PCDHA3: variants seen among roughly 807,000 people sequenced by gnomAD.
PCDHA3 encodes the protein protocadherin alpha 3, also known as protocadherin alpha-3.
A neutral mutation model predicts 62.2 loss-of-function variants in PCDHA3; 41 were observed. The observed-to-expected ratio is 0.66, with a 90% CI of 0.51 to 0.86. The LOEUF (loss-of-function observed/expected upper bound fraction) is 0.86, where lower values mean the gene tolerates loss of function less well. Ranked by LOEUF, PCDHA3 falls within the 40% of genes least tolerant of loss-of-function variation. The pLI is 0.00. For missense variants in PCDHA3, 1,304 were observed against 1,241.2 expected, an observed-to-expected ratio of 1.05 and a Z score of -0.76; for synonymous variants, 640 against 555.4, an observed-to-expected ratio of 1.15 and a Z score of -2.14.
rs1563353899 is a variant in PCDHA3, at chr5:140,966,713, G to A, written c.2395-12236G>A. The A allele has an allele frequency of 4.3e-6, 6 of 1,392,826 alleles. No individual in the cohort carries two copies. The African/African-American group carries it at 9.1e-5, about 21-fold the overall frequency. 86.3% of individuals were successfully genotyped at this position (1,392,826 alleles called of 1,614,324 possible). ...CGGGGCCCGGGCGTGGGGCACGGCTGGGGAAGCTGCCGCCTCCGGCCCTGC... is the reference window on the plus strand; with the variant it reads ...CGGGGCCCGGGCGTGGGGCACGGCTAGGGAAGCTGCCGCCTCCGGCCCTGC... On this transcript the variant is annotated intron_variant, in intron 1 of 3. Transcript: ENST00000522353.
chr5:140,976,819 T>C (rs1380206599), intron 1 of PCDHA3, among the ~76,000 whole-genome samples: 3 of 152,222 alleles, frequency 2.0e-5, no homozygotes, highest in Admixed American at 2.0e-4. Flanking sequence ...TATGCATGTG[T>C]CTAATGAGCA....
intron 1 of PCDHA3, chr5:140,850,311 T>C (rs2150479083): frequency 1.3e-6 from 2 of 1,597,000 alleles, no homozygotes; most frequent in African/African-American, 1.3e-5. Context: ...CTACAACGCG[T>C]GGCTTTCATA....
Position 140,802,036 on chromosome 5 carries a change from C to T in PCDHA3, c.839C>T (p.Ser280Phe). 1.9e-6 allele frequency: 3 copies of T among 1,614,182 alleles called. No individual in the cohort carries two copies. Among genetic ancestry groups the T allele is most frequent in the Non-Finnish European group, 2.5e-6 (3 of 1,180,042 alleles). The change falls in exon 1 of 4, where the codon TCT becomes TTT. Residue 280 changes from serine to phenylalanine, a missense_variant. Transcript: ENST00000522353. The part of the protein sequence containing the change: ...DEGVNKDIAY[S>F]FNTDMSADIL... ...GGAGTAAATAAGGATATCGCGTATT[C>T]TTTCAATACGGACATGTCAGCAGAT...
intron 1 of PCDHA3, chr5:140,841,595 C>T (rs2150318765): frequency 2.5e-6 from 4 of 1,614,060 alleles, no homozygotes; most frequent in East Asian, 2.2e-5. Flanking sequence ...TCGGATCGAC[C>T]GCGAGGAGCT....
rs1762997565 is a variant in PCDHA3, at chr5:140,802,686, C to T, written c.1489C>T (p.Arg497Trp). Residue 497 changes from arginine to tryptophan, a missense_variant, in exon 1 of 4, where the codon CGG (arginine) becomes TGG (tryptophan). Physicochemically the swap from Arg to Trp is moderately radical, Grantham distance 101. Transcript: ENST00000522353. ...CCTGGTGTCCTACTCGCTGGTGGAACGGCGGGTGGGGGAGCGCGCGCTGTC... is the reference window on the plus strand; with the variant it reads ...CCTGGTGTCCTACTCGCTGGTGGAATGGCGGGTGGGGGAGCGCGCGCTGTC... ...NALVSYSLVE[R>W]RVGERALSSY... The T allele has an allele frequency of 2.5e-6, 4 of 1,613,064 alleles. No individual in the cohort carries two copies. The highest frequency in any genetic ancestry group is 2.5e-6 in the Non-Finnish European group (3 of 1,179,800).
chr5:140,819,009 T>A (rs1223864365), intron 1 of PCDHA3, among the ~76,000 whole-genome samples: 5 of 152,254 alleles, frequency 3.3e-5, no homozygotes. Flanking sequence ...AGAGGATATA[T>A]AATATGGATA....
At chr5:140,819,372 T>A (rs1481609844) in intron 1 of PCDHA3, among the ~76,000 whole-genome samples, 2 of 152,162 alleles carry the variant, frequency 1.3e-5, no homozygotes, top group Non-Finnish European at 2.9e-5. Flanking sequence ...CTTGTGTTAG[T>A]ATATTTCTAA....
intron 1 of PCDHA3, among the ~76,000 whole-genome samples, chr5:140,902,203 C>CTTTT (rs148688132): frequency 2.0e-4 from 25 of 124,426 alleles, no homozygotes; most frequent in African/African-American, 2.5e-4. Flanking sequence ...CTCTCTCTTT[C>CTTTT]TTTTTTTTTT....
intron 1 of PCDHA3, chr5:140,843,278 G>A (rs147078401): frequency 6.3e-7 from 1 of 1,595,978 alleles, no homozygotes; most frequent in Non-Finnish European, 8.6e-7. Flanking sequence ...CCTGGTGAAG[G>A]ATCATGGTGA....
At position 140,899,912 on chromosome 5, in the gene PCDHA3, A is replaced by G. The variant is rs574794282; in HGVS notation, c.2395-79037A>G. The stretch of plus-strand genomic sequence containing the variant: ...AGCCTTGACATCCTGGGCTCAAGCA[A>G]TCCTCCTGCCTCAGCCTCCTGAATA... On this transcript the variant is annotated intron_variant, in intron 1 of 3. Transcript: ENST00000522353. Among the ~76,000 whole-genome samples the G allele has an allele frequency of 2.0e-5, 3 of 152,154 alleles. No homozygotes were observed. In the East Asian group the frequency reaches 5.8e-4, roughly 29 times the overall value.
At chr5:140,849,756 T>C (rs1554143259) in intron 1 of PCDHA3, 2 of 1,598,354 alleles carry the variant, frequency 1.3e-6, no homozygotes, top group Admixed American at 1.7e-5. Flanking sequence ...TGTGTCCGCC[T>C]ACGAGCTGGT....
chr5:140,841,817 T>G lies in PCDHA3; in HGVS notation c.2394+38226T>G, dbSNP rs142905144. On this transcript the variant is annotated intron_variant, in intron 1 of 3. Coordinates refer to ENST00000522353, the MANE Select transcript of PCDHA3 (RefSeq NM_018906.3). ...GTCCGATGCAGATGTTGGAGCTAAC[T>G]CCGTGTTAACCTACAGGCTTAGCTC... 5.3e-5 allele frequency: 85 copies of G among 1,613,922 alleles called. No individual in the cohort carries two copies. The African/African-American group carries it at 1.1e-3, about 20-fold the overall frequency.
At chr5:141,006,353 A>G (rs2098269096) in intron 3 of PCDHA3, among the ~76,000 whole-genome samples, 1 of 151,784 alleles carries the variant, frequency 6.6e-6, no homozygotes, top group Admixed American at 6.6e-5. Flanking sequence ...CTGGGACTAT[A>G]GGCGCCCACC....
chr5:140,835,608 C>A (rs1554135105), intron 1 of PCDHA3: 3 of 1,613,898 alleles, frequency 1.9e-6, no homozygotes, highest in South Asian at 2.2e-5. Flanking sequence ...TTCATTGGTG[C>A]TGGACAGCGC....
intron 1 of PCDHA3, among the ~76,000 whole-genome samples, chr5:140,937,338 C>T (rs1554211545): frequency 1.3e-5 from 2 of 151,992 alleles, no homozygotes; most frequent in Non-Finnish European, 2.9e-5. Flanking sequence ...CGCCCGGCTT[C>T]TTCCATTTAT....
At position 140,868,885 on chromosome 5, in the gene PCDHA3, T is replaced by C. The variant is rs559907492; in HGVS notation, c.2394+65294T>C. 56 of 733,832 alleles carry C rather than the reference T, an allele frequency of 7.6e-5. 1 individual carries two copies. The highest frequency in any genetic ancestry group is 1.1e-4 in the Non-Finnish European group (52 of 469,948). The allele number at this position is 733,832 out of a possible 1,614,324, so 45.5% of individuals were successfully genotyped here. A position where few individuals can be genotyped will look rare whatever the true frequency, so the allele number is the denominator to read the frequency against. On this transcript the variant is annotated intron_variant, in intron 1 of 3. Transcript: ENST00000522353. ...ATGCAGTGCACAGTACTCACAGTTTTAGGCGCAAGGTGTCGCTCTTTACTT... is the reference window on the plus strand; with the variant it reads ...ATGCAGTGCACAGTACTCACAGTTTCAGGCGCAAGGTGTCGCTCTTTACTT...
At chr5:140,849,264 A>T (rs2150433927) in intron 1 of PCDHA3, 1 of 1,131,868 alleles carries the variant, frequency 8.8e-7, no homozygotes, top group East Asian at 2.6e-5. Context: ...AAACGTTTCT[A>T]TCGGAACGCT....
At position 140,884,762 on chromosome 5, in the gene PCDHA3, A is replaced by T. The variant is rs491169; in HGVS notation, c.2394+81171A>T. 4,163 of 1,423,128 alleles carry T rather than the reference A, an allele frequency of 2.9e-3. 95 individuals carry two copies. The African/African-American group carries it at 0.053, about 18-fold the overall frequency. 88.2% of individuals were successfully genotyped at this position (1,423,128 alleles called of 1,614,324 possible). A position where few individuals can be genotyped will look rare whatever the true frequency, so the allele number is the denominator to read the frequency against. On this transcript the variant is annotated intron_variant, in intron 1 of 3. Coordinates refer to ENST00000522353, the MANE Select transcript of PCDHA3 (RefSeq NM_018906.3). ...TCCTGCCAATTTCAAATTATTCTTT[A>T]CTTTAATTTTAATTTTGCTAGTTGT...
At chr5:141,000,361 GTCTCTCTC>G (rs148596731) in intron 3 of PCDHA3, among the ~76,000 whole-genome samples, 2,007 of 26,308 alleles carry the variant, frequency 0.076, 129 homozygotes, top group East Asian at 0.15. Context: ...GTCTCTCTCT[GTCTCTCTC>G]TCTCTCTCTC....
Sources: gnomAD v4.1 joint callset for allele counts (sites outside exome capture counted in the v4.1 genomes callset) on GRCh38, gnomAD v4.1.1 for gene constraint, MANE v1.5 for transcripts, NCBI Gene and HGNC (gene_info 2026-07-23, HGNC 2026-07-21) for gene names.